C1orf53: variants seen among roughly 807,000 people sequenced by gnomAD.
C1orf53 encodes uncharacterized protein C1orf53.
In C1orf53, 23 loss-of-function variants were observed where a neutral mutation model predicts 17.5. The ratio of observed to expected loss-of-function variants is 1.31; its 90% CI spans 0.94 to 1.86. The LOEUF is 1.86. Among genes scored for constraint, C1orf53 ranks in the 40% most tolerant of loss-of-function variants. C1orf53 has a pLI of 0.00. For missense variants in C1orf53, 255 were observed against 193.2 expected (o/e 1.32, Z -1.89); for synonymous variants, 108 against 81.9 (o/e 1.32, Z -1.72).
At chr1:197,905,268 T>C (rs2102583117) in intron 1 of C1orf53, among the ~76,000 whole-genome samples, 1 of 152,018 alleles carries the variant, frequency 6.6e-6, no homozygotes, top group African/African-American at 2.4e-5. Flanking sequence ...GTATAAAATG[T>C]GCAATGAAGT....
intron 2 of C1orf53, among the ~76,000 whole-genome samples, chr1:197,906,350 T>C (rs1309085352): frequency 6.6e-6 from 1 of 151,748 alleles, no homozygotes; most frequent in African/African-American, 2.4e-5. Context: ...CTTCCTTCCC[T>C]CCCTCCCTTT....
chr1:197,902,765 T>C lies in C1orf53; in HGVS notation c.116T>C (p.Leu39Ser), dbSNP rs1250911330. Reference protein sequence around the residue: ...VRAGFRQQLSLTLCPANEGNC... With the variant: ...VRAGFRQQLSSTLCPANEGNC... ...GCTGGGTTCCGACAGCAGCTCAGCT[T>C]AACCCTCTGCCCTGCTAACGAGGGA... Residue 39 changes from leucine to serine, a missense_variant, in exon 1 of 3, where the codon TTA (leucine) becomes TCA (serine). Transcript: ENST00000367393. 2.5e-6 allele frequency: 4 copies of C among 1,577,394 alleles called. No individual in the cohort carries two copies. Among genetic ancestry groups the C allele is most frequent in the African/African-American group, 1.4e-5 (1 of 72,222 alleles).
chr1:197,905,932 G>T, intron 2 of C1orf53, 35 bp downstream of exon 2: 1 of 1,457,276 alleles, frequency 6.9e-7, no homozygotes, highest in Non-Finnish European at 9.6e-7. Context: ...GCAGCAGTTT[G>T]CGGTGCTTCT....
intron 1 of C1orf53, 81 bp from the exon 2 acceptor site, chr1:197,905,715 G>C (rs1653390197): frequency 3.0e-6 from 3 of 1,007,850 alleles, no homozygotes; most frequent in Non-Finnish European, 4.6e-6. Flanking sequence ...TTTTTCTGCA[G>C]TATTTTATGT....
chr1:197,907,078 C>T (rs1199361415), intron 2 of C1orf53, 71 bp from the exon 3 acceptor site: 2 of 915,894 alleles, frequency 2.2e-6, no homozygotes, highest in East Asian at 5.5e-5. Flanking sequence ...CTTTTTGTCA[C>T]CATGAGAAGT....
rs1376384715 is a variant in C1orf53, at chr1:197,902,892, G to C, written c.243G>C (p.Glu81Asp). The C allele has an allele frequency of 2.7e-6, 4 of 1,483,190 alleles. No homozygotes were observed. Among genetic ancestry groups the C allele is most frequent in the Admixed American group, 4.6e-5 (2 of 43,636 alleles). 91.9% of individuals were successfully genotyped at this position (1,483,190 alleles called of 1,614,324 possible). The change falls in exon 1 of 3, where the codon GAG becomes GAC. Residue 81 changes from glutamate (E) to aspartate (D), a missense_variant. Coordinates refer to ENST00000367393, the MANE Select transcript of C1orf53 (RefSeq NM_001024594.3). ...ELTAAERQIA[E>D]LHAAACAAGQ... Reference sequence around the variant, plus strand: ...CCGCGGCGGAGCGACAGATCGCGGAGCTGCACGCTGCCGCCTGCGCGGTGA... The same window carrying C: ...CCGCGGCGGAGCGACAGATCGCGGACCTGCACGCTGCCGCCTGCGCGGTGA...
At chr1:197,905,339 C>G (rs753636286) in intron 1 of C1orf53, among the ~76,000 whole-genome samples, 1 of 151,998 alleles carries the variant, frequency 6.6e-6, no homozygotes, top group African/African-American at 2.4e-5. Context: ...CTATAAGGAC[C>G]GTTGGTTTTG....
intron 1 of C1orf53, chr1:197,905,481 A>G (rs958846979): frequency 1.1e-5 from 2 of 181,952 alleles, no homozygotes; most frequent in South Asian, 1.8e-4. Flanking sequence ...ACCTGTTATT[A>G]AGCTTGTTAC....
chr1:197,906,805 A>C (rs1557965761), intron 2 of C1orf53, among the ~76,000 whole-genome samples: 1 of 152,262 alleles, frequency 6.6e-6, no homozygotes, highest in Non-Finnish European at 1.5e-5. Flanking sequence ...GCCAGGATTA[A>C]AAATTAAACC....
intron 1 of C1orf53, among the ~76,000 whole-genome samples, chr1:197,903,905 A>G (rs1449170189): frequency 2.0e-5 from 3 of 152,218 alleles, no homozygotes; most frequent in African/African-American, 7.2e-5. Flanking sequence ...TAATGTATAT[A>G]ATTTGTTCTC....
At position 197,902,845 on chromosome 1, in the gene C1orf53, C is replaced by T; in HGVS notation, c.196C>T (p.Pro66Ser). The change falls in exon 1 of 3, where the codon CCT becomes TCT. Residue 66 changes from proline to serine, a missense_variant. By Grantham distance (74) the Pro-to-Ser change is moderately conservative. Transcript: ENST00000367393. ...TPGRPERAAR[P>S]SVSEELTAAE... Reference sequence around the variant, plus strand: ...CGGTAGGCCGGAGAGAGCGGCGAGGCCTTCGGTGAGCGAAGAGTTAACCGC... The same window carrying T: ...CGGTAGGCCGGAGAGAGCGGCGAGGTCTTCGGTGAGCGAAGAGTTAACCGC... The T allele has an allele frequency of 6.4e-7, 1 of 1,552,456 alleles. No homozygotes were observed. Among genetic ancestry groups the T allele is most frequent in the East Asian group, 2.5e-5 (1 of 39,484 alleles).
chr1:197,906,928 A>T (rs1353204786), intron 2 of C1orf53, among the ~76,000 whole-genome samples: 1 of 152,184 alleles, frequency 6.6e-6, no homozygotes, highest in African/African-American at 2.4e-5. Context: ...TGACAGTAAA[A>T]TTCTTAAATT....
intron 1 of C1orf53, 44 bp downstream of exon 1, chr1:197,902,957 G>A (rs1000575352): frequency 7.5e-7 from 1 of 1,333,092 alleles, no homozygotes; most frequent in African/African-American, 1.5e-5. Context: ...CGGCCGCCCC[G>A]GGCTCGGCGC....
chr1:197,902,990 C>A lies in C1orf53; in HGVS notation c.264+77C>A, dbSNP rs908893969. On this transcript the variant is annotated intron_variant, in intron 1 of 2. Coordinates refer to ENST00000367393, the MANE Select transcript of C1orf53 (RefSeq NM_001024594.3). ...CGCGCCTGCGCATCCCGGGCCTCTC[C>A]GGACCCGGAGGCCGCCCGGCAGAGG... 15 of 1,273,478 alleles carry A rather than the reference C, an allele frequency of 1.2e-5. No individual in the cohort carries two copies. The African/African-American group carries it at 2.2e-4, about 19-fold the overall frequency. 78.9% of individuals were successfully genotyped at this position (1,273,478 alleles called of 1,614,324 possible).
chr1:197,903,437 G>A (rs1659471792), intron 1 of C1orf53, among the ~76,000 whole-genome samples: 1 of 152,154 alleles, frequency 6.6e-6, no homozygotes, highest in African/African-American at 2.4e-5. Flanking sequence ...CTACAATCTG[G>A]CATTTGTAGA....
At position 197,902,674 on chromosome 1, in the gene C1orf53, C is replaced by T; in HGVS notation, c.25C>T (p.Arg9Trp). The T allele has an allele frequency of 6.7e-7, 1 of 1,491,624 alleles. No homozygotes were observed. Among genetic ancestry groups the T allele is most frequent in the Non-Finnish European group, 8.9e-7 (1 of 1,128,054 alleles). 92.4% of individuals were successfully genotyped at this position (1,491,624 alleles called of 1,614,324 possible). A position where few individuals can be genotyped will look rare whatever the true frequency, so the allele number is the denominator to read the frequency against. MAARQIWARTGAALCRQPS... is the reference protein window; with the variant it reads MAARQIWAWTGAALCRQPS... ...CATGGCGGCCAGGCAGATCTGGGCACGGACGGGTGCCGCGCTCTGCAGGCA... is the reference window on the plus strand; with the variant it reads ...CATGGCGGCCAGGCAGATCTGGGCATGGACGGGTGCCGCGCTCTGCAGGCA... The change falls in exon 1 of 3, where the codon CGG becomes TGG. Residue 9 changes from arginine (R) to tryptophan (W), a missense_variant. Physicochemically the swap from Arg to Trp is moderately radical, Grantham distance 101 (BLOSUM62 -3). Transcript: ENST00000367393.
chr1:197,907,190 G>T lies in C1orf53; in HGVS notation c.408G>T (p.Lys136Asn). The T allele has an allele frequency of 6.3e-7, 1 of 1,584,228 alleles. No homozygotes were observed. The highest frequency in any genetic ancestry group is 1.1e-5 in the South Asian group (1 of 88,088). Residue 136 changes from lysine (K) to asparagine (N), a missense_variant, in exon 3 of 3, where the codon AAG becomes AAT. Coordinates refer to ENST00000367393, the MANE Select transcript of C1orf53 (RefSeq NM_001024594.3). ...GQVNVKDPSK[K>N]KQFNSYFYV ...TCAATGTTAAAGATCCATCTAAAAA[G>T]AAGCAATTCAATTCATATTTTTATG... is the stretch of plus-strand genomic sequence containing the variant.
rs537628512 is a variant in C1orf53 at position 197,907,030 on chromosome 1, G to A, written c.367-119G>A. ...ATTTTTCTCTTAGTCTGCAGGACCT[G>A]ATAGTTCAAATGATCTATATAAAAT... On this transcript the variant is annotated intron_variant, in intron 2 of 2. Transcript: ENST00000367393. 844 of 605,498 alleles carry A rather than the reference G, an allele frequency of 1.4e-3. 5 individuals carry two copies. Among genetic ancestry groups the A allele is most frequent in the South Asian group, 8.5e-3 (362 of 42,346 alleles). 37.5% of individuals were successfully genotyped at this position (605,498 alleles called of 1,614,324 possible). A position where few individuals can be genotyped will look rare whatever the true frequency, so the allele number is the denominator to read the frequency against.
At chr1:197,903,637 T>C (rs2102582399) in intron 1 of C1orf53, among the ~76,000 whole-genome samples, 1 of 152,324 alleles carries the variant, frequency 6.6e-6, no homozygotes, top group South Asian at 2.1e-4. Context: ...CAGTATGAAA[T>C]GAACCCATTT....
Sources: gnomAD v4.1 joint callset for allele counts (sites outside exome capture counted in the v4.1 genomes callset) on GRCh38, gnomAD v4.1.1 for gene constraint, MANE v1.5 for transcripts, NCBI Gene and HGNC (gene_info 2026-07-23, HGNC 2026-07-21) for gene names.